Variants in NOP58 observed in about 807,000 individuals in gnomAD.
NOP58 encodes nucleolar protein 58.
In NOP58, 44 loss-of-function variants were observed where a neutral mutation model predicts 71.2. The ratio of observed to expected loss-of-function variants is 0.62; its 90% CI spans 0.49 to 0.79. The LOEUF (loss-of-function observed/expected upper bound fraction) is 0.79, where lower values mean the gene tolerates loss of function less well. Among genes scored for constraint, NOP58 ranks in the 30% least tolerant of loss-of-function variants. NOP58 has a pLI of 0.00. For synonymous variants in NOP58, 228 were observed against 200.3 expected, an observed-to-expected ratio of 1.14 and a Z score of -1.17; for missense variants, 538 against 620.2, an observed-to-expected ratio of 0.87 and a Z score of 1.41.
chr2:202,266,167 G>A (rs1688411924), intron 1 of NOP58, among the ~76,000 whole-genome samples, 181 bp downstream of exon 1: 1 of 152,156 alleles, frequency 6.6e-6, no homozygotes, highest in Non-Finnish European at 1.5e-5. Flanking sequence ...TGGCCCCGCC[G>A]TTTGGGGAGA....
At chr2:202,278,059 T>TTTTTCTTGTTTAAAAGGTTGTTTGC (rs1688636669) in intron 3 of NOP58, 57 bp downstream of exon 3, 3 of 1,056,656 alleles carry the variant, frequency 2.8e-6, no homozygotes, top group Non-Finnish European at 4.4e-6. Context: ...TAGCCGTTTG[T>TTTTTCTTGTTTAAAAGGTTGTTTGC]TTTTCTTGTT....
In NOP58 at chr2:202,291,289, G is replaced by A. The variant is rs1688890073; in HGVS notation, c.780+19G>A. ...CACCCAGGTAAATTTTACTCCTGGA[G>A]AATCTAGTTGTGGTGTTACCAGCTC... is the stretch of plus-strand genomic sequence containing the variant. On this transcript the variant is annotated intron_variant, in intron 8 of 14. Coordinates refer to ENST00000264279, the MANE Select transcript of NOP58 (RefSeq NM_015934.5). The A allele has an allele frequency of 6.3e-7, 1 of 1,583,236 alleles. No homozygotes were observed. Among genetic ancestry groups the A allele is most frequent in the East Asian group, 2.3e-5 (1 of 44,310 alleles).
Position 202,282,263 on chromosome 2 carries a change from A to G in NOP58, c.176-88A>G, listed in dbSNP as rs955360518. On this transcript the variant is annotated intron_variant, in intron 3 of 14. Coordinates refer to ENST00000264279, the MANE Select transcript of NOP58 (RefSeq NM_015934.5). ...TAAATTCAAGCCCTTTGAAAGGCCT[A>G]TTTTATTTTTTTAAGTGTCAACTAG... is the stretch of plus-strand genomic sequence containing the variant. 1.2e-5 allele frequency: 13 copies of G among 1,074,932 alleles called. No individual in the cohort carries two copies. The African/African-American group carries it at 1.4e-4, about 12-fold the overall frequency. The allele number at this position is 1,074,932 out of a possible 1,614,324, so 66.6% of individuals were successfully genotyped here.
At chr2:202,299,842 CT>C (rs57184037) in intron 12 of NOP58, 14,704 of 127,130 alleles carry the variant, frequency 0.12, 910 homozygotes, top group South Asian at 0.27. Context: ...TTTTGTTCTG[CT>C]TTTTTTTTTT....
chr2:202,288,618 G>T (rs1475404373), intron 6 of NOP58, among the ~76,000 whole-genome samples: 1 of 151,966 alleles, frequency 6.6e-6, no homozygotes, highest in Non-Finnish European at 1.5e-5. Context: ...AGGAGTTCGA[G>T]ATCAGGCCAA....
At position 202,282,477 on chromosome 2, in the gene NOP58, A is replaced by G. The variant is rs1320098415; in HGVS notation, c.297+5A>G. 6.2e-7 allele frequency: 1 copy of G among 1,604,158 alleles called. No homozygotes were observed. Among genetic ancestry groups the G allele is most frequent in the South Asian group, 1.1e-5 (1 of 88,656 alleles). ...AAACTAGGAGGGGTCATAAAGGTAA[A>G]GTCACGATATTTTTGGTCATGCCTG... is the stretch of plus-strand genomic sequence containing the variant. On this transcript the variant is annotated splice_donor_5th_base_variant and intron_variant, in intron 4 of 14. Transcript: ENST00000264279.
intron 1 of NOP58, among the ~76,000 whole-genome samples, chr2:202,272,247 GGTT>G (rs1688523316): frequency 6.6e-6 from 1 of 151,400 alleles, no homozygotes. Flanking sequence ...CGCCCCCTGG[GGTT>G]CACGCCATTC....
At chr2:202,273,982 G>A (rs1372786604) in intron 1 of NOP58, among the ~76,000 whole-genome samples, 2 of 150,540 alleles carry the variant, frequency 1.3e-5, no homozygotes, top group African/African-American at 2.4e-5. Context: ...ATTCCTAAAA[G>A]TATGCATGAA....
In NOP58 at chr2:202,295,754, A is replaced by C. The variant is rs1688977709; in HGVS notation, c.988A>C (p.Lys330Gln). The C allele has an allele frequency of 6.2e-7, 1 of 1,612,202 alleles. No individual in the cohort carries two copies. The highest frequency in any genetic ancestry group is 8.5e-7 in the Non-Finnish European group (1 of 1,179,312). The part of the protein sequence containing the change: ...GAEKALFRAL[K>Q]SRRDTPKYGL... Reference sequence around the variant, plus strand: ...TGAAAAGGCACTTTTCAGAGCCCTCAAATCTAGACGGGATACCCCTAAGTA... The same window carrying C: ...TGAAAAGGCACTTTTCAGAGCCCTCCAATCTAGACGGGATACCCCTAAGTA... The change falls in exon 10 of 15, where the codon AAA (lysine) becomes CAA (glutamine). Residue 330 changes from lysine (K) to glutamine (Q), a missense_variant. By Grantham distance (53) the Lys-to-Gln change is moderately conservative (BLOSUM62 1). Coordinates refer to ENST00000264279, the MANE Select transcript of NOP58 (RefSeq NM_015934.5).
At chr2:202,302,219 CTG>C (rs1487530293) in intron 13 of NOP58, among the ~76,000 whole-genome samples, 1 of 151,168 alleles carries the variant, frequency 6.6e-6, no homozygotes, top group Non-Finnish European at 1.5e-5. Flanking sequence ...TCCTGAATAA[CTG>C]GGATTACAGG....
At chr2:202,296,048 T>C (rs1334094073) in intron 10 of NOP58, among the ~76,000 whole-genome samples, 2 of 151,164 alleles carry the variant, frequency 1.3e-5, no homozygotes. Context: ...AGCCAGTTTC[T>C]TCCATTGTGT....
At chr2:202,281,598 C>T (rs761542127) in intron 3 of NOP58, among the ~76,000 whole-genome samples, 14 of 152,124 alleles carry the variant, frequency 9.2e-5, no homozygotes, top group Non-Finnish European at 1.5e-4. Context: ...TGCCACCACA[C>T]CCAGCTAATT....
chr2:202,273,714 A>G (rs929259922), intron 1 of NOP58, among the ~76,000 whole-genome samples: 23 of 152,236 alleles, frequency 1.5e-4, no homozygotes, highest in African/African-American at 5.1e-4. Flanking sequence ...AGGCCGAGGC[A>G]GGTGGATCAC....
intron 5 of NOP58, among the ~76,000 whole-genome samples, chr2:202,286,999 C>A (rs1688798077): frequency 6.6e-6 from 1 of 151,112 alleles, no homozygotes; most frequent in Non-Finnish European, 1.5e-5. Context: ...AAGAGTCCTG[C>A]AAAGTTCCTA....
At chr2:202,271,392 C>T (rs1688508867) in intron 1 of NOP58, among the ~76,000 whole-genome samples, 1 of 140,258 alleles carries the variant, frequency 7.1e-6, no homozygotes, top group Admixed American at 7.2e-5. Context: ...CCCGACTTTA[C>T]TAAAATACAA....
In NOP58 at chr2:202,265,888, G is replaced by T. The variant is rs1688404515; in HGVS notation, c.-54G>T. Reference sequence around the variant, plus strand: ...TTGAGGCCGCGTAGTCGGTGTTTTTGAACTGACTCTACAGCTTCTGGCAGG... The same window carrying T: ...TTGAGGCCGCGTAGTCGGTGTTTTTTAACTGACTCTACAGCTTCTGGCAGG... On this transcript the variant is annotated 5_prime_UTR_variant, in exon 1 of 15. Transcript: ENST00000264279. The T allele has an allele frequency of 6.8e-6, 11 of 1,611,320 alleles. No individual in the cohort carries two copies. The South Asian group carries it at 1.1e-4, about 16-fold the overall frequency.
intron 5 of NOP58, among the ~76,000 whole-genome samples, chr2:202,286,800 T>C (rs1351097307): frequency 6.6e-6 from 1 of 152,140 alleles, no homozygotes; most frequent in East Asian, 1.9e-4. Context: ...GTTGTCACAA[T>C]TGGAGGTGGG....
chr2:202,303,078 C>T (rs369171839), intron 14 of NOP58, 21 bp downstream of exon 14: 50 of 1,603,326 alleles, frequency 3.1e-5, no homozygotes, highest in Admixed American at 8.6e-5. Context: ...TTTTAATTAT[C>T]GGTTTTCACT....
intron 8 of NOP58, 146 bp downstream of exon 8, chr2:202,291,416 C>A: frequency 3.8e-6 from 2 of 525,326 alleles, no homozygotes; most frequent in South Asian, 3.8e-5. Context: ...TCATCTGATG[C>A]CATCATGATT....
Sources: allele counts gnomAD v4.1 joint callset (sites outside exome capture counted in the v4.1 genomes callset), GRCh38; gene constraint gnomAD v4.1.1; transcripts MANE v1.5; gene names NCBI Gene and HGNC (gene_info 2026-07-23, HGNC 2026-07-21).